The following HCN1 variants were observed in gnomAD, a reference collection of about 807,000 sequenced individuals.
HCN1 encodes the protein hyperpolarization activated cyclic nucleotide gated potassium channel 1, also known as potassium/sodium hyperpolarization-activated cyclic nucleotide-gated channel 1.
A neutral mutation model predicts 78.9 loss-of-function variants in HCN1; 13 were observed. That is an observed-to-expected ratio of 0.16 (90% CI 0.11 to 0.26). The LOEUF is 0.26. HCN1 is among the 10% of genes least tolerant of loss of function. The pLI is 1.00. For missense variants in HCN1, 810 were observed against 1,154.3 expected, an observed-to-expected ratio of 0.70 and a Z score of 4.32; for synonymous variants, 552 against 455.5, an observed-to-expected ratio of 1.21 and a Z score of -2.70.
chr5:45,353,270 T>C (rs770750426), intron 4 of HCN1, 24 bp from the exon 5 acceptor site: 1 of 1,538,568 alleles, frequency 6.5e-7, no homozygotes, highest in African/African-American at 1.4e-5. Context: ...AAAATAAAAT[T>C]AAAAAAAAAC....
Position 45,262,365 on chromosome 5 carries a change from C to T in HCN1, c.2229G>A (p.Pro743=). Reference sequence around the variant, plus strand: ...ACGGCTGCTGTGGCTGAGTCTGCGGCGGCTGGGACTGCTGTACCTGCTGCT... The same window carrying T: ...ACGGCTGCTGTGGCTGAGTCTGCGGTGGCTGGGACTGCTGTACCTGCTGCT... ...QPQQQVQQSQ[P]PQTQPQQPSP... The change falls in exon 8 of 8, where the codon CCG becomes CCA. Residue 743 remains proline, a synonymous_variant. Coordinates refer to ENST00000303230, the MANE Select transcript of HCN1 (RefSeq NM_021072.4). 3 of 1,612,282 alleles carry T rather than the reference C, an allele frequency of 1.9e-6. No homozygotes were observed. The highest frequency in any genetic ancestry group is 2.5e-6 in the Non-Finnish European group (3 of 1,179,578).
chr5:45,436,908 C>T (rs77248980), intron 3 of HCN1, among the ~76,000 whole-genome samples: 4,541 of 152,130 alleles, frequency 0.03, 230 homozygotes, highest in African/African-American at 0.1. Context: ...AAAATAAGTC[C>T]GATCAACCAG....
At chr5:45,581,147 C>T (rs1056606888) in intron 2 of HCN1, among the ~76,000 whole-genome samples, 11 of 152,148 alleles carry the variant, frequency 7.2e-5, no homozygotes, top group Non-Finnish European at 1.3e-4. Flanking sequence ...AGTTTACAGT[C>T]CCACCAACAG....
At position 45,543,332 on chromosome 5, in the gene HCN1, C is replaced by T. The variant is rs572468109; in HGVS notation, c.850-81325G>A. On this transcript the variant is annotated intron_variant, in intron 2 of 7. Coordinates refer to ENST00000303230, the MANE Select transcript of HCN1 (RefSeq NM_021072.4). ...GATAAAAAAAATAAAAAAATAAAAC[C>T]TCCCCAGAAAATATTGGGAAAAAGC... Among the ~76,000 whole-genome samples the T allele has an allele frequency of 2.6e-5, 4 of 151,890 alleles. 1 individual carries two copies. Among genetic ancestry groups the T allele is most frequent in the African/African-American group, 9.6e-5 (4 of 41,468 alleles).
At chr5:45,525,962 C>T (rs2111791741) in intron 2 of HCN1, among the ~76,000 whole-genome samples, 1 of 151,998 alleles carries the variant, frequency 6.6e-6, no homozygotes, top group African/African-American at 2.4e-5. Context: ...AGAGCTAACC[C>T]TTTCTAGCCC....
At chr5:45,326,621 G>A (rs902855444) in intron 5 of HCN1, among the ~76,000 whole-genome samples, 3 of 151,566 alleles carry the variant, frequency 2.0e-5, no homozygotes, top group African/African-American at 4.8e-5. Context: ...CAAGTTATAA[G>A]TCAAAGGTAA....
intron 2 of HCN1, among the ~76,000 whole-genome samples, chr5:45,554,291 G>T (rs1743428116): frequency 6.6e-6 from 1 of 151,744 alleles, no homozygotes; most frequent in South Asian, 2.1e-4. Context: ...ACATTCTCAG[G>T]TTAGGAGGAA....
chr5:45,340,748 A>G (rs573734831), intron 5 of HCN1, among the ~76,000 whole-genome samples: 1 of 152,318 alleles, frequency 6.6e-6, no homozygotes, highest in Admixed American at 6.5e-5. Flanking sequence ...TCTTTATCAA[A>G]ATAAACTTGT....
chr5:45,562,072 T>G (rs2111882063), intron 2 of HCN1, among the ~76,000 whole-genome samples: 1 of 152,212 alleles, frequency 6.6e-6, no homozygotes, highest in South Asian at 2.1e-4. Flanking sequence ...CTACCACATT[T>G]TTAGTCAGTT....
intron 1 of HCN1, among the ~76,000 whole-genome samples, chr5:45,677,892 G>C (rs1342159526): frequency 6.6e-6 from 1 of 151,724 alleles, no homozygotes; most frequent in East Asian, 1.9e-4. Flanking sequence ...TAAATGAAAT[G>C]TATTTTTAAA....
intron 4 of HCN1, among the ~76,000 whole-genome samples, chr5:45,374,113 C>T (rs1210684911): frequency 7.0e-4 from 59 of 83,906 alleles, no homozygotes; most frequent in African/African-American, 2.6e-3. Flanking sequence ...ATATTATATA[C>T]ATAATATATA....
intron 3 of HCN1, among the ~76,000 whole-genome samples, chr5:45,436,983 A>G (rs1649987565): frequency 6.6e-6 from 1 of 152,210 alleles, no homozygotes; most frequent in Non-Finnish European, 1.5e-5. Context: ...CTAGTACTCT[A>G]TGCCCTGCAC....
chr5:45,665,933 T>C, intron 1 of HCN1, among the ~76,000 whole-genome samples: 1 of 152,100 alleles, frequency 6.6e-6, no homozygotes, highest in Middle Eastern at 3.2e-3. Flanking sequence ...CAAGCTAGTC[T>C]ATTTACTCAG....
rs1739699304 is a variant in HCN1 at position 45,681,377 on chromosome 5, T to G, written c.425+14292A>C. On this transcript the variant is annotated intron_variant, in intron 1 of 7. Transcript: ENST00000303230. ...ATATGCAAAAACTAAGCTGACATCT[T>G]AGTTTTGCATCTTTTCAGACTCAAG... Among the ~76,000 whole-genome samples, 6 of 152,162 alleles carry G rather than the reference T, an allele frequency of 3.9e-5. No individual in the cohort carries two copies. In the South Asian group the frequency reaches 1.2e-3, roughly 31 times the overall value.
At chr5:45,448,481 A>T (rs1740843354) in intron 3 of HCN1, among the ~76,000 whole-genome samples, 1 of 152,218 alleles carries the variant, frequency 6.6e-6, no homozygotes, top group Non-Finnish European at 1.5e-5. Context: ...AGTATTACTA[A>T]ATGCCATTAA....
At chr5:45,292,830 C>G (rs563857412) in intron 6 of HCN1, among the ~76,000 whole-genome samples, 44 of 152,118 alleles carry the variant, frequency 2.9e-4, no homozygotes, top group Non-Finnish European at 5.0e-4. Flanking sequence ...CCCATCTACT[C>G]ATTCTTTATA....
chr5:45,525,249 T>G (rs911040008), intron 2 of HCN1, among the ~76,000 whole-genome samples: 1 of 151,962 alleles, frequency 6.6e-6, no homozygotes, highest in African/African-American at 2.4e-5. Context: ...AAAAAATTAT[T>G]TAAGACAATG....
intron 2 of HCN1, among the ~76,000 whole-genome samples, chr5:45,528,941 T>G (rs899270603): frequency 6.6e-6 from 1 of 151,992 alleles, no homozygotes; most frequent in African/African-American, 2.4e-5. Context: ...CTTAGCTTTA[T>G]GGAATTCAAA....
chr5:45,564,362 G>A (rs1284312584), intron 2 of HCN1, among the ~76,000 whole-genome samples: 2 of 151,594 alleles, frequency 1.3e-5, no homozygotes, highest in African/African-American at 2.4e-5. Flanking sequence ...CTGTGTTCAC[G>A]CCATTCTCCT....
Sources: allele counts gnomAD v4.1 joint callset (sites outside exome capture counted in the v4.1 genomes callset), GRCh38; gene constraint gnomAD v4.1.1; transcripts MANE v1.5; gene names NCBI Gene and HGNC (gene_info 2026-07-23, HGNC 2026-07-21).